CNTN5: variants seen among roughly 807,000 people sequenced by gnomAD.
CNTN5 encodes contactin-5.
Under a neutral mutation model 129.1 loss-of-function variants are expected in CNTN5, and 77 were observed. The observed-to-expected ratio is 0.60, with a 90% CI of 0.50 to 0.72. The LOEUF (loss-of-function observed/expected upper bound fraction) is 0.72, where lower values mean the gene tolerates loss of function less well. Among genes scored for constraint, CNTN5 ranks in the 30% least tolerant of loss-of-function variants. The pLI, the probability that CNTN5 is intolerant of heterozygous loss-of-function variation, is 0.00. For synonymous variants in CNTN5, 509 were observed against 465.6 expected, an observed-to-expected ratio of 1.09 and a Z score of -1.20; for missense variants, 1,478 against 1,328.8, an observed-to-expected ratio of 1.11 and a Z score of -1.75.
chr11:99,848,327 TG>T (rs1199893181), intron 6 of CNTN5, among the ~76,000 whole-genome samples: 5 of 152,110 alleles, frequency 3.3e-5, no homozygotes, highest in Non-Finnish European at 7.4e-5. Flanking sequence ...GTTGCTGGAG[TG>T]TTTAATGTCT....
chr11:100,332,932 A>T (rs542472978), intron 21 of CNTN5, among the ~76,000 whole-genome samples: 1 of 152,290 alleles, frequency 6.6e-6, no homozygotes, highest in Non-Finnish European at 1.5e-5. Context: ...TAGTACTGGA[A>T]GTCCTACCCA....
At chr11:100,195,630 G>T (rs866377330) in intron 15 of CNTN5, among the ~76,000 whole-genome samples, 2 of 151,848 alleles carry the variant, frequency 1.3e-5, no homozygotes, top group South Asian at 4.2e-4. Flanking sequence ...GTACTGAGAA[G>T]GGAGAAAAAC....
chr11:99,724,153 T>C (rs989525869), intron 3 of CNTN5, among the ~76,000 whole-genome samples: 3 of 152,110 alleles, frequency 2.0e-5, no homozygotes, highest in Admixed American at 2.0e-4. Flanking sequence ...AGGCTCCTCT[T>C]CAGTGCCTGG....
chr11:99,910,238 A>T (rs987684049), intron 6 of CNTN5, among the ~76,000 whole-genome samples: 1 of 152,070 alleles, frequency 6.6e-6, no homozygotes, highest in Non-Finnish European at 1.5e-5. Context: ...TTGATCACAG[A>T]CCCACAAGTT....
intron 6 of CNTN5, among the ~76,000 whole-genome samples, chr11:99,904,505 G>T (rs544837945): frequency 2.2e-4 from 33 of 152,112 alleles, no homozygotes; most frequent in African/African-American, 7.2e-4. Flanking sequence ...TATTCCATGG[G>T]GTATATGTGC....
At chr11:100,042,223 CTCTCT>C (rs1942420341) in intron 9 of CNTN5, among the ~76,000 whole-genome samples, 1 of 148,746 alleles carries the variant, frequency 6.7e-6, no homozygotes, top group African/African-American at 2.5e-5. Flanking sequence ...GTTTTGTTCT[CTCTCT>C]TTTTTTTTTT....
chr11:99,838,488 T>A (rs1383344841), intron 4 of CNTN5, among the ~76,000 whole-genome samples: 2 of 152,190 alleles, frequency 1.3e-5, no homozygotes, highest in Non-Finnish European at 2.9e-5. Context: ...ATTTAAAAAA[T>A]CCTCAAAACT....
At chr11:99,240,294 G>C (rs949594858) in intron 1 of CNTN5, among the ~76,000 whole-genome samples, 4 of 152,158 alleles carry the variant, frequency 2.6e-5, no homozygotes, top group Admixed American at 2.6e-4. Flanking sequence ...AATCTATTCA[G>C]TGTGTGCAAG....
At position 99,046,279 on chromosome 11, in the gene CNTN5, G is replaced by A. The variant is rs565892225; in HGVS notation, c.-210+25009G>A. 7.9e-5 allele frequency among the ~76,000 whole-genome samples: 12 copies of A among 152,298 alleles called. No homozygotes were observed. The East Asian group carries it at 2.3e-3, about 29-fold the overall frequency. On this transcript the variant is annotated intron_variant, in intron 1 of 24. Coordinates refer to ENST00000524871, the MANE Select transcript of CNTN5 (RefSeq NM_014361.4). ...CGCTTGAACCCAGGAGGTGGAGGTT[G>A]CGGTGAGCCAAGATTGAGCCACTGC...
At chr11:100,251,579 C>A (rs1949964208) in intron 16 of CNTN5, among the ~76,000 whole-genome samples, 1 of 152,072 alleles carries the variant, frequency 6.6e-6, no homozygotes, top group Non-Finnish European at 1.5e-5. Context: ...TATTCTCCCC[C>A]TTTCCCTTCC....
chr11:99,552,661 T>A (rs1415710470), intron 2 of CNTN5, among the ~76,000 whole-genome samples: 2 of 152,136 alleles, frequency 1.3e-5, no homozygotes, highest in Admixed American at 6.5e-5. Flanking sequence ...GCTTGAGGAC[T>A]AGCAAGAAAG....
intron 1 of CNTN5, among the ~76,000 whole-genome samples, chr11:99,081,245 C>A (rs1004477976): frequency 1.3e-5 from 2 of 152,020 alleles, no homozygotes; most frequent in African/African-American, 4.8e-5. Context: ...TTTTTTGCAG[C>A]CTCTTCGATA....
intron 3 of CNTN5, among the ~76,000 whole-genome samples, chr11:99,734,916 G>C (rs1385227254): frequency 6.6e-6 from 1 of 152,248 alleles, no homozygotes; most frequent in Non-Finnish European, 1.5e-5. Flanking sequence ...GCTGAGGCAA[G>C]AGAATGGCGT....
chr11:99,638,911 C>T (rs1219881149), intron 3 of CNTN5, among the ~76,000 whole-genome samples: 1 of 152,080 alleles, frequency 6.6e-6, no homozygotes, highest in East Asian at 1.9e-4. Flanking sequence ...AGATGGTGGC[C>T]CTCTTCTCAC....
chr11:100,197,166 G>T (rs1030185644), intron 15 of CNTN5, among the ~76,000 whole-genome samples: 1 of 151,952 alleles, frequency 6.6e-6, no homozygotes, highest in East Asian at 1.9e-4. Context: ...ACAAAGAAGG[G>T]CAGAAGAGCT....
intron 3 of CNTN5, among the ~76,000 whole-genome samples, chr11:99,781,901 C>G (rs1945324487): frequency 6.6e-6 from 1 of 152,102 alleles, no homozygotes; most frequent in Non-Finnish European, 1.5e-5. Context: ...GAAGCATTCT[C>G]TTTGAAAACT....
intron 3 of CNTN5, among the ~76,000 whole-genome samples, chr11:99,697,497 T>A (rs1954324061): frequency 6.6e-6 from 1 of 151,732 alleles, no homozygotes; most frequent in South Asian, 2.1e-4. Context: ...CAAGATACTC[T>A]ACAGAAAATG....
In CNTN5 at chr11:99,841,210, A is replaced by G. The variant is rs919385588; in HGVS notation, c.278-3642A>G. 3.3e-5 allele frequency among the ~76,000 whole-genome samples: 5 copies of G among 152,214 alleles called. No homozygotes were observed. In the East Asian group the frequency reaches 7.7e-4, roughly 23 times the overall value. The stretch of plus-strand genomic sequence containing the variant: ...GGCTAAGATGCTTTGGGAACTAACA[A>G]TGAACAGCAAAGAGATGTCTCACAA... On this transcript the variant is annotated intron_variant, in intron 4 of 24. Coordinates refer to ENST00000524871, the MANE Select transcript of CNTN5 (RefSeq NM_014361.4).
intron 1 of CNTN5, among the ~76,000 whole-genome samples, chr11:99,282,963 T>C (rs1863765984): frequency 6.6e-6 from 1 of 152,064 alleles, no homozygotes; most frequent in Non-Finnish European, 1.5e-5. Context: ...TCCTAAAATG[T>C]AGGAGCTAAA....
Sources: gnomAD v4.1 joint callset for allele counts (sites outside exome capture counted in the v4.1 genomes callset) on GRCh38, gnomAD v4.1.1 for gene constraint, MANE v1.5 for transcripts, NCBI Gene and HGNC (gene_info 2026-07-23, HGNC 2026-07-21) for gene names.